EMB: variants seen among roughly 807,000 people sequenced by gnomAD.
The protein encoded by EMB is embigin homolog.
EMB carries 31 observed loss-of-function variants against 41.4 expected under a neutral mutation model. The observed-to-expected ratio is 0.75, with a 90% CI of 0.56 to 1.01. The LOEUF (loss-of-function observed/expected upper bound fraction) is 1.01, where lower values mean the gene tolerates loss of function less well. EMB is among the 50% of genes least tolerant of loss of function. The pLI is 0.00. For missense variants in EMB, 379 were observed against 388.3 expected (o/e 0.98, Z 0.20); for synonymous variants, 137 against 140.4 (o/e 0.98, Z 0.17).
chr5:50,403,208 T>C lies in EMB; in HGVS notation c.847A>G (p.Lys283Glu), dbSNP rs778567157. The change falls in exon 6 of 9, where the codon AAG becomes GAG. Residue 283 changes from lysine to glutamate, a missense_variant. Coordinates refer to ENST00000303221, the MANE Select transcript of EMB (RefSeq NM_198449.3). ...LLVATILLCE[K>E]YTQKKKKHSD... ...TGCTTCTTTTTCTTTTGTGTGTACT[T>C]TTCACAAAGCAGAATGGTGGCCACT... The C allele has an allele frequency of 1.9e-6, 3 of 1,611,708 alleles. No homozygotes were observed. The South Asian group carries it at 3.3e-5, about 18-fold the overall frequency.
intron 4 of EMB, among the ~76,000 whole-genome samples, chr5:50,408,318 T>C (rs1002373068): frequency 2.6e-5 from 4 of 152,002 alleles, no homozygotes; most frequent in African/African-American, 9.7e-5. Flanking sequence ...TGAGAAACAC[T>C]ATAGACCATC....
rs978944997 is a variant in EMB at position 50,398,214 on chromosome 5, A to G, written c.*1059T>C. The G allele has an allele frequency of 1.3e-4, 19 of 151,676 alleles. No homozygotes were observed. The highest frequency in any genetic ancestry group is 4.0e-4 in the Admixed American group (6 of 15,128). 9.4% of individuals were successfully genotyped at this position (151,676 alleles called of 1,614,324 possible). ...CATTGACAACTTTTCATGTTGATTC[A>G]GATTTTATAAGATTTGATTACAGTG... On this transcript the variant is annotated 3_prime_UTR_variant, in exon 9 of 9. Coordinates refer to ENST00000303221, the MANE Select transcript of EMB (RefSeq NM_198449.3).
chr5:50,416,073 T>C (rs1007425308), intron 2 of EMB, among the ~76,000 whole-genome samples: 1 of 152,218 alleles, frequency 6.6e-6, no homozygotes, highest in Non-Finnish European at 1.5e-5. Context: ...GCTGTGCTTC[T>C]GCAGTTTGCT....
chr5:50,403,737 A>G (rs1745204627), intron 5 of EMB, among the ~76,000 whole-genome samples: 2 of 151,974 alleles, frequency 1.3e-5, no homozygotes. Flanking sequence ...ATATTATAGA[A>G]GAATTAAAAA....
At chr5:50,414,035 C>T (rs1745388107) in intron 2 of EMB, among the ~76,000 whole-genome samples, 1 of 152,146 alleles carries the variant, frequency 6.6e-6, no homozygotes, top group South Asian at 2.1e-4. Flanking sequence ...TAAAGCAATA[C>T]AGAAAAGCAA....
At chr5:50,403,063 A>G (rs1342150350) in intron 6 of EMB, 115 bp downstream of exon 6, 1 of 1,005,080 alleles carries the variant, frequency 9.9e-7, no homozygotes, top group East Asian at 2.6e-5. Context: ...TTCCCCAAAA[A>G]TCCTAAAGTC....
chr5:50,421,370 G>T (rs1188817189), intron 2 of EMB, among the ~76,000 whole-genome samples: 3 of 152,146 alleles, frequency 2.0e-5, no homozygotes, highest in African/African-American at 7.2e-5. Context: ...AGTTAGAATG[G>T]CCATCATTAA....
At chr5:50,414,346 G>A (rs1745393597) in intron 2 of EMB, among the ~76,000 whole-genome samples, 1 of 151,522 alleles carries the variant, frequency 6.6e-6, no homozygotes, top group South Asian at 2.1e-4. Flanking sequence ...CCAACATGGT[G>A]AGACCTCATC....
Position 50,402,296 on chromosome 5 carries a change from T to A in EMB, c.901A>T (p.Ile301Phe). ...HSDEGKEFEQ[I>F]EQLKSDDSNG... ...AAAAATAATACTTACAGCTGTTCAATCTGCTCAAATTCTTTCCCCTCATCT... is the reference window on the plus strand; with the variant it reads ...AAAAATAATACTTACAGCTGTTCAAACTGCTCAAATTCTTTCCCCTCATCT... Residue 301 changes from isoleucine to phenylalanine, a missense_variant, in exon 7 of 9, where the codon ATT (isoleucine) becomes TTT (phenylalanine). Physicochemically the swap from Ile to Phe is conservative, Grantham distance 21 (BLOSUM62 0). Transcript: ENST00000303221. 2.5e-6 allele frequency: 4 copies of A among 1,610,200 alleles called. No homozygotes were observed. Among genetic ancestry groups the A allele is most frequent in the Non-Finnish European group, 3.4e-6 (4 of 1,177,290 alleles).
At position 50,402,399 on chromosome 5, in the gene EMB, C is replaced by T. The variant is rs1015740267; in HGVS notation, c.878-80G>A. On this transcript the variant is annotated intron_variant, in intron 6 of 8. Transcript: ENST00000303221. ...CATATATGCTCAATTAAACCTCCTT[C>T]CTAAGTAAGTAAGTACTATGCTGTT... 9 of 1,288,306 alleles carry T rather than the reference C, an allele frequency of 7.0e-6. No individual in the cohort carries two copies. The African/African-American group carries it at 1.3e-4, about 19-fold the overall frequency. 79.8% of individuals were successfully genotyped at this position (1,288,306 alleles called of 1,614,324 possible).
chr5:50,416,499 T>C (rs1745433907), intron 2 of EMB, among the ~76,000 whole-genome samples: 1 of 152,232 alleles, frequency 6.6e-6, no homozygotes, highest in Non-Finnish European at 1.5e-5. Flanking sequence ...AAAAGTCTGC[T>C]TTGTTCTTTA....
intron 1 of EMB, among the ~76,000 whole-genome samples, chr5:50,436,018 C>A (rs980499521): frequency 6.6e-6 from 1 of 152,064 alleles, no homozygotes; most frequent in African/African-American, 2.4e-5. Flanking sequence ...CTGAAATCAG[C>A]CATTTCTCCA....
intron 2 of EMB, among the ~76,000 whole-genome samples, chr5:50,414,880 T>C (rs1309346930): frequency 1.3e-5 from 2 of 152,216 alleles, no homozygotes; most frequent in South Asian, 2.1e-4. Context: ...ACCTTTTAAA[T>C]GTTGGTGCCC....
At chr5:50,406,553 A>G (rs1208892084) in intron 4 of EMB, among the ~76,000 whole-genome samples, 1 of 151,846 alleles carries the variant, frequency 6.6e-6, no homozygotes, top group African/African-American at 2.4e-5. Flanking sequence ...ATAACTTGGT[A>G]AAGAATATTA....
intron 3 of EMB, 85 bp downstream of exon 3, chr5:50,411,112 C>A: frequency 7.8e-7 from 1 of 1,274,688 alleles, no homozygotes; most frequent in Non-Finnish European, 1.1e-6. Flanking sequence ...CAAGTGGCTG[C>A]AGAGGAAAGA....
At chr5:50,425,904 G>A (rs759669831) in intron 2 of EMB, among the ~76,000 whole-genome samples, 10 of 151,998 alleles carry the variant, frequency 6.6e-5, no homozygotes, top group Non-Finnish European at 1.0e-4. Flanking sequence ...GGCTGGTCTC[G>A]AACTCCTGGC....
intron 2 of EMB, 48 bp from the exon 3 acceptor site, chr5:50,411,431 T>C (rs1275311378): frequency 1.5e-6 from 2 of 1,331,980 alleles, no homozygotes; most frequent in African/African-American, 1.5e-5. Flanking sequence ...TTCAGAGGAA[T>C]CTAACACATA....
chr5:50,428,094 G>A lies in EMB; in HGVS notation c.196+50C>T, dbSNP rs753531826. On this transcript the variant is annotated intron_variant, in intron 2 of 8. Coordinates refer to ENST00000303221, the MANE Select transcript of EMB (RefSeq NM_198449.3). ...GCAGTAGCTTTGTTTAAGAAAAATT[G>A]CTTAAACCCTTTTTTTCGAATTGCA... 3 of 1,351,874 alleles carry A rather than the reference G, an allele frequency of 2.2e-6. No individual in the cohort carries two copies. The Admixed American group carries it at 5.5e-5, about 25-fold the overall frequency. 83.7% of individuals were successfully genotyped at this position (1,351,874 alleles called of 1,614,324 possible). A position where few individuals can be genotyped will look rare whatever the true frequency, so the allele number is the denominator to read the frequency against.
At chr5:50,401,263 GGTTTATTTTAGCA>G (rs1366105760) in intron 7 of EMB, among the ~76,000 whole-genome samples, 1 of 151,886 alleles carries the variant, frequency 6.6e-6, no homozygotes, top group Non-Finnish European at 1.5e-5. Flanking sequence ...ATATCATATT[GGTTTATTTTAGCA>G]GCCTATGTGA....
Sources: allele counts gnomAD v4.1 joint callset (sites outside exome capture counted in the v4.1 genomes callset), GRCh38; gene constraint gnomAD v4.1.1; transcripts MANE v1.5; gene names NCBI Gene and HGNC (gene_info 2026-07-23, HGNC 2026-07-21).